The following NBAS variants were observed in gnomAD, a reference collection of about 807,000 sequenced individuals.
The protein encoded by NBAS is NAG/BC035112 fusion.
A neutral mutation model predicts 302.5 loss-of-function variants in NBAS; 219 were observed. The ratio of observed to expected loss-of-function variants is 0.72; its 90% CI spans 0.65 to 0.81. NBAS has a LOEUF of 0.81. Among genes scored for constraint, NBAS ranks in the 30% least tolerant of loss-of-function variants. NBAS has a pLI of 0.00. For missense variants in NBAS, 2,932 were observed against 2,841.6 expected (o/e 1.03, Z -0.72); for synonymous variants, 1,118 against 1,021.6 (o/e 1.09, Z -1.80).
chr2:14,870,882 G>T, the NBAS span, among the ~76,000 whole-genome samples: 3 of 151,528 alleles, frequency 2.0e-5, no homozygotes, highest in Non-Finnish European at 4.4e-5. Context: ...TTATATTCCA[G>T]AAGATAGAAT....
intron 31 of NBAS, among the ~76,000 whole-genome samples, chr2:15,367,024 TAAA>T (rs936490386): frequency 9.9e-5 from 15 of 152,158 alleles, no homozygotes; most frequent in African/African-American, 3.4e-4. Flanking sequence ...TATTTGTCTC[TAAA>T]AACTTCATAT....
the NBAS span, among the ~76,000 whole-genome samples, chr2:14,989,293 A>ATGTGTGTGTATGTGTGTGTGTGTGTGTG: frequency 7.8e-4 from 115 of 148,122 alleles, no homozygotes; most frequent in African/African-American, 2.6e-3. Flanking sequence ...ATGTATGTGT[A>ATGTGTGTGTATGTGTGTGTGTGTGTGTG]TGTGTGTGTG....
At chr2:15,485,738 G>A (rs200682077) in intron 12 of NBAS, among the ~76,000 whole-genome samples, 5 of 152,302 alleles carry the variant, frequency 3.3e-5, no homozygotes, top group South Asian at 2.1e-4. Context: ...CCTCACAGGC[G>A]TGTTTACAAT....
At chr2:15,041,839 AT>A in the NBAS span, among the ~76,000 whole-genome samples, 4 of 151,856 alleles carry the variant, frequency 2.6e-5, no homozygotes, top group Non-Finnish European at 5.9e-5. Context: ...TTGGTGTTCT[AT>A]TTTTTTCTTT....
At chr2:15,528,919 A>C (rs554507103) in intron 9 of NBAS, among the ~76,000 whole-genome samples, 1 of 73,380 alleles carries the variant, frequency 1.4e-5, no homozygotes, top group Non-Finnish European at 3.2e-5. Context: ...ATATATACAC[A>C]CACACATATA....
At chr2:15,117,751 G>C in the NBAS span, among the ~76,000 whole-genome samples, 2 of 152,160 alleles carry the variant, frequency 1.3e-5, no homozygotes, top group African/African-American at 2.4e-5. Context: ...GTGATACCAG[G>C]AACACAGTGT....
intron 28 of NBAS, among the ~76,000 whole-genome samples, chr2:15,389,580 T>A (rs1675486743): frequency 1.3e-5 from 2 of 152,152 alleles, no homozygotes; most frequent in Non-Finnish European, 2.9e-5. Flanking sequence ...CTTACAGGAA[T>A]TTAGAAGACA....
At chr2:15,530,602 A>C (rs1033260352) in intron 9 of NBAS, among the ~76,000 whole-genome samples, 1 of 152,150 alleles carries the variant, frequency 6.6e-6, no homozygotes, top group East Asian at 1.9e-4. Context: ...TTTATACAGA[A>C]AAAATTAAAC....
chr2:14,929,819 A>G, the NBAS span, among the ~76,000 whole-genome samples: 1 of 152,254 alleles, frequency 6.6e-6, no homozygotes, highest in African/African-American at 2.4e-5. Flanking sequence ...ATAGGATGGT[A>G]TGGTTTGGCT....
intron 38 of NBAS, among the ~76,000 whole-genome samples, chr2:15,324,328 C>T (rs1671964302): frequency 6.6e-6 from 1 of 152,216 alleles, no homozygotes; most frequent in Non-Finnish European, 1.5e-5. Context: ...CATCTCTCCA[C>T]TGGCTGGCCA....
the NBAS span, among the ~76,000 whole-genome samples, chr2:14,798,155 A>C: frequency 6.6e-6 from 1 of 152,188 alleles, no homozygotes; most frequent in East Asian, 1.9e-4. Flanking sequence ...GAGAATGGAC[A>C]TGGCCTTGTT....
At chr2:15,013,146 C>T in the NBAS span, among the ~76,000 whole-genome samples, 35 of 152,166 alleles carry the variant, frequency 2.3e-4, no homozygotes, top group African/African-American at 8.0e-4. Context: ...GGCAGAGCCA[C>T]CACGCCTGGC....
At chr2:14,795,798 C>A in the NBAS span, among the ~76,000 whole-genome samples, 1 of 152,150 alleles carries the variant, frequency 6.6e-6, no homozygotes, top group Non-Finnish European at 1.5e-5. Flanking sequence ...TGAGTAGCAA[C>A]TCCTACCCCA....
chr2:15,143,870 C>A, the NBAS span, among the ~76,000 whole-genome samples: 1 of 151,694 alleles, frequency 6.6e-6, no homozygotes, highest in Admixed American at 6.6e-5. Context: ...CGCCTAGCCT[C>A]CCAGCCTACA....
At chr2:15,307,299 G>A (rs1286253687) in intron 40 of NBAS, among the ~76,000 whole-genome samples, 2 of 152,178 alleles carry the variant, frequency 1.3e-5, no homozygotes, top group Non-Finnish European at 2.9e-5. Context: ...GGCGAGATAT[G>A]AAAGGTGGGA....
chr2:15,165,754 C>G (rs1167775627), downstream of NBAS, among the ~76,000 whole-genome samples: 1 of 152,184 alleles, frequency 6.6e-6, no homozygotes, highest in Non-Finnish European at 1.5e-5. Context: ...TTACATTCAG[C>G]CTGCTGGCTT....
chr2:14,900,334 C>A, the NBAS span, among the ~76,000 whole-genome samples: 3 of 152,112 alleles, frequency 2.0e-5, no homozygotes, highest in African/African-American at 7.2e-5. Flanking sequence ...TATCAATTTT[C>A]CCACTAAATG....
chr2:14,963,292 C>A, the NBAS span, among the ~76,000 whole-genome samples: 8 of 151,980 alleles, frequency 5.3e-5, no homozygotes, highest in East Asian at 1.9e-4. Flanking sequence ...AAATAAAAAT[C>A]AAAAATAAAG....
the NBAS span, among the ~76,000 whole-genome samples, chr2:14,884,237 A>G: frequency 1.3e-5 from 2 of 152,090 alleles, no homozygotes; most frequent in Non-Finnish European, 2.9e-5. Flanking sequence ...TCTCGAAACT[A>G]TGTAGCAACA....
Sources: allele counts gnomAD v4.1 joint callset (sites outside exome capture counted in the v4.1 genomes callset), GRCh38; gene constraint gnomAD v4.1.1; transcripts MANE v1.5; gene names NCBI Gene and HGNC (gene_info 2026-07-23, HGNC 2026-07-21).